Variants in MTSS1 observed in about 807,000 individuals in gnomAD.
MTSS1 encodes the protein protein MTSS 1.
In MTSS1, 18 loss-of-function variants were observed where a neutral mutation model predicts 79.0. That is an observed-to-expected ratio of 0.23 (90% CI 0.16 to 0.34). The LOEUF (loss-of-function observed/expected upper bound fraction) is 0.34. Among genes scored for constraint, MTSS1 ranks in the 10% least tolerant of loss-of-function variants. The pLI is 1.00. For missense variants in MTSS1, 815 were observed against 986.2 expected (o/e 0.83, Z 2.33); for synonymous variants, 341 against 368.6 (o/e 0.93, Z 0.86).
At position 124,728,218 on chromosome 8, in the gene MTSS1, G is replaced by A. The variant is rs1834015328; in HGVS notation, c.-263C>T. ...CCTGGCCTTAAAAATGCCGGGAGAA[G>A]ACTGACAATCAGGCCACCACTGGTG... On this transcript the variant is annotated 5_prime_UTR_variant, in exon 1 of 14. Transcript: ENST00000518547. This position sits in a 1 kb window ranked among gnomAD's most constrained non-coding sequence, Gnocchi z 6.1. 2.9e-6 allele frequency: 1 copy of A among 346,018 alleles called. No homozygotes were observed. The highest frequency in any genetic ancestry group is 2.1e-5 in the African/African-American group (1 of 46,688). 21.4% of individuals were successfully genotyped at this position (346,018 alleles called of 1,614,324 possible).
rs557780319 is a variant in MTSS1 at position 124,565,828 on chromosome 8, A to G, written c.727-69T>C. ...GAAGCGTTAGCCATCAAAGCTTAAC[A>G]TCCACCAAAGCATCAAAACGCTGCC... On this transcript the variant is annotated intron_variant, in intron 8 of 13. Transcript: ENST00000518547. 4.6e-6 allele frequency: 6 copies of G among 1,313,898 alleles called. No homozygotes were observed. The African/African-American group carries it at 8.7e-5, about 19-fold the overall frequency. 81.4% of individuals were successfully genotyped at this position (1,313,898 alleles called of 1,614,324 possible). A position where few individuals can be genotyped will look rare whatever the true frequency, so the allele number is the denominator to read the frequency against.
At chr8:124,554,456 C>T (rs774257867) in intron 13 of MTSS1, among the ~76,000 whole-genome samples, 1 of 152,040 alleles carries the variant, frequency 6.6e-6, no homozygotes, top group South Asian at 2.1e-4. Flanking sequence ...GCCAGATGTC[C>T]CCTGGGGAAT....
chr8:124,726,929 C>T (rs1588022792), intron 1 of MTSS1, among the ~76,000 whole-genome samples: 1 of 152,248 alleles, frequency 6.6e-6, no homozygotes, highest in Non-Finnish European at 1.5e-5. Context: ...CAATTCCCAC[C>T]TCCAGCCAGC....
chr8:124,613,621 C>A (rs1321330270), intron 3 of MTSS1, among the ~76,000 whole-genome samples: 1 of 152,192 alleles, frequency 6.6e-6, no homozygotes, highest in South Asian at 2.1e-4. Context: ...GTCCTTCAAG[C>A]CTATGGGGGC....
chr8:124,622,772 G>A (rs567621617), intron 3 of MTSS1, among the ~76,000 whole-genome samples: 141 of 147,994 alleles, frequency 9.5e-4, no homozygotes, highest in Admixed American at 6.8e-3. Context: ...TAGCCTGGGC[G>A]GCAGAGCAGG....
At chr8:124,624,519 T>C (rs926090241) in intron 3 of MTSS1, among the ~76,000 whole-genome samples, 1 of 150,732 alleles carries the variant, frequency 6.6e-6, no homozygotes, top group Non-Finnish European at 1.5e-5. Context: ...GCCTGGCAGC[T>C]CCAGAGTAAT....
intron 10 of MTSS1, chr8:124,558,827 C>T (rs761386929): frequency 1.7e-5 from 27 of 1,559,330 alleles, no homozygotes; most frequent in Admixed American, 7.4e-5. Flanking sequence ...CCGAGCTGGA[C>T]GAGTTCTGCA....
chr8:124,567,888 A>ATTTC, intron 7 of MTSS1: 1 of 1,433,574 alleles, frequency 7.0e-7, no homozygotes. Flanking sequence ...CATGCAAATG[A>ATTTC]TTTCCTTAAA....
chr8:124,570,281 A>C (rs947412978), intron 6 of MTSS1, among the ~76,000 whole-genome samples: 29 of 152,096 alleles, frequency 1.9e-4, no homozygotes, highest in African/African-American at 7.0e-4. Context: ...TGTGTATATA[A>C]CTCTCATCAG....
chr8:124,641,345 GA>G (rs1818016160), intron 3 of MTSS1, among the ~76,000 whole-genome samples: 1 of 152,326 alleles, frequency 6.6e-6, no homozygotes, highest in African/African-American at 2.4e-5. Flanking sequence ...CCGTGTTAGA[GA>G]AAAGAATAAA....
At chr8:124,593,333 T>C (rs368965681) in intron 3 of MTSS1, among the ~76,000 whole-genome samples, 51 of 152,386 alleles carry the variant, frequency 3.3e-4, no homozygotes, top group South Asian at 1.4e-3. Flanking sequence ...ACTACTTTCC[T>C]GGAGCAAAAT....
intron 3 of MTSS1, among the ~76,000 whole-genome samples, chr8:124,657,353 G>A (rs1821140739): frequency 6.6e-6 from 1 of 151,680 alleles, no homozygotes; most frequent in Admixed American, 6.6e-5. Context: ...TCATAGTATT[G>A]TCTTTTTTGT....
intron 3 of MTSS1, among the ~76,000 whole-genome samples, chr8:124,614,701 A>G (rs180682043): frequency 6.6e-6 from 1 of 152,388 alleles, no homozygotes; most frequent in Non-Finnish European, 1.5e-5. Context: ...ACCATGTCCC[A>G]TAACAATGTT....
chr8:124,562,931 T>C lies in MTSS1; in HGVS notation c.886A>G (p.Ser296Gly). Residue 296 changes from serine (S) to glycine (G), a missense_variant, in exon 10 of 14, where the codon AGC (serine) becomes GGC (glycine). Ser to Gly is a moderately conservative substitution (Grantham distance 56). This residue lies in a region of MTSS1 where 590 missense variants were observed against 620.8 expected (regional missense o/e 0.95). Coordinates refer to ENST00000518547, the MANE Select transcript of MTSS1 (RefSeq NM_014751.6). Reference sequence around the variant, plus strand: ...GAGCTGCGGTAGCGGTAATGTGAGCTGGGGGAATGCGAGTGGGAGCCGCTG... The same window carrying C: ...GAGCTGCGGTAGCGGTAATGTGAGCCGGGGGAATGCGAGTGGGAGCCGCTG... ...RSSGSHSHSP[S>G]SHYRYRSSNL... 6.2e-7 allele frequency: 1 copy of C among 1,613,532 alleles called. No individual in the cohort carries two copies. Among genetic ancestry groups the C allele is most frequent in the Non-Finnish European group, 8.5e-7 (1 of 1,179,780 alleles).
intron 1 of MTSS1, among the ~76,000 whole-genome samples, chr8:124,713,510 G>A (rs1465946113): frequency 2.0e-5 from 3 of 152,158 alleles, no homozygotes; most frequent in Admixed American, 6.5e-5. Flanking sequence ...TGCAACCTCC[G>A]ACTATGAGGT....
At chr8:124,706,231 G>A (rs1259485991) in intron 1 of MTSS1, among the ~76,000 whole-genome samples, 1 of 152,174 alleles carries the variant, frequency 6.6e-6, no homozygotes. Context: ...CTGGAAAGTT[G>A]TCTATAAAAT....
At chr8:124,608,922 A>T (rs1835301295) in intron 3 of MTSS1, among the ~76,000 whole-genome samples, 1 of 152,230 alleles carries the variant, frequency 6.6e-6, no homozygotes. Flanking sequence ...ATTAAACTTC[A>T]GTATACACAA....
At chr8:124,667,522 TA>T (rs1235652793) in intron 3 of MTSS1, among the ~76,000 whole-genome samples, 1 of 152,034 alleles carries the variant, frequency 6.6e-6, no homozygotes, top group East Asian at 1.9e-4. Flanking sequence ...TGCATGCCTG[TA>T]ATCCCAGCTA....
At chr8:124,705,262 G>A (rs1830231455) in intron 1 of MTSS1, among the ~76,000 whole-genome samples, 1 of 152,156 alleles carries the variant, frequency 6.6e-6, no homozygotes, top group Non-Finnish European at 1.5e-5. Context: ...CTTGAGGCCA[G>A]GAGATCGAGA....
Sources: gnomAD v4.1 joint callset for allele counts (sites outside exome capture counted in the v4.1 genomes callset) on GRCh38, gnomAD v4.1.1 for gene constraint, gnomAD v4.1.1 regional missense constraint, Gnocchi (gnomAD v3.1) non-coding constraint, MANE v1.5 for transcripts, NCBI Gene and HGNC (gene_info 2026-07-23, HGNC 2026-07-21) for gene names.